Variants in ELP4 observed in about 807,000 individuals in gnomAD.
The protein encoded by ELP4 is elongator complex protein 4.
In ELP4, 51 loss-of-function variants were observed where a neutral mutation model predicts 48.9. The observed-to-expected ratio is 1.04, with a 90% confidence interval of 0.83 to 1.32. The LOEUF (loss-of-function observed/expected upper bound fraction) is 1.32, where lower values mean the gene tolerates loss of function less well. Among genes scored for constraint, ELP4 ranks in the 40% most tolerant of loss-of-function variants. ELP4 has a pLI of 0.00. For missense variants in ELP4, 519 were observed against 514.6 expected, an observed-to-expected ratio of 1.01 and a Z score of -0.08; for synonymous variants, 210 against 189.2, an observed-to-expected ratio of 1.11 and a Z score of -0.90.
intron 9 of ELP4, among the ~76,000 whole-genome samples, chr11:31,759,242 T>C (rs1434202430): frequency 6.6e-6 from 1 of 152,198 alleles, no homozygotes; most frequent in Non-Finnish European, 1.5e-5. Context: ...TTCCCACACA[T>C]ATTTCCTTCT....
chr11:31,620,032 A>G (rs963038026), intron 5 of ELP4, among the ~76,000 whole-genome samples: 3 of 152,036 alleles, frequency 2.0e-5, no homozygotes, highest in South Asian at 2.1e-4. Context: ...TAAACTGATA[A>G]TGAAGATGGA....
chr11:31,578,013 T>G (rs1957316463), intron 3 of ELP4, among the ~76,000 whole-genome samples: 1 of 152,202 alleles, frequency 6.6e-6, no homozygotes, highest in Non-Finnish European at 1.5e-5. Context: ...TTGTCTCTGT[T>G]TGCAGATGAT....
chr11:31,717,740 T>G (rs188726303), intron 9 of ELP4, among the ~76,000 whole-genome samples: 2 of 150,128 alleles, frequency 1.3e-5, no homozygotes, highest in Non-Finnish European at 3.0e-5. Context: ...GGAGACAGAG[T>G]GACACTGTGT....
intron 3 of ELP4, among the ~76,000 whole-genome samples, chr11:31,590,225 C>G (rs752053400): frequency 6.6e-6 from 1 of 151,958 alleles, no homozygotes; most frequent in African/African-American, 2.4e-5. Context: ...TTAGAACTGC[C>G]CTGAATAGAG....
At chr11:31,780,307 G>A (rs910859621) in intron 9 of ELP4, among the ~76,000 whole-genome samples, 2 of 152,120 alleles carry the variant, frequency 1.3e-5, no homozygotes, top group African/African-American at 2.4e-5. Flanking sequence ...CTGATCTCTC[G>A]TTCTTCCTCG....
chr11:31,760,548 C>T lies in ELP4; in HGVS notation c.1144-22845C>T, dbSNP rs573852639. Among the ~76,000 whole-genome samples, 275 of 152,190 alleles carry T rather than the reference C, an allele frequency of 1.8e-3. 1 individual carries two copies. Among genetic ancestry groups the T allele is most frequent in the Non-Finnish European group, 2.8e-3 (188 of 68,000 alleles). On this transcript the variant is annotated intron_variant, in intron 9 of 9. Coordinates refer to ENST00000640961, the MANE Select transcript of ELP4 (RefSeq NM_019040.5). ...AATGTATTATAAAAACATTAGAAGA[C>T]GATATTTGTATTTCAAAAGATCTTT...
intron 2 of ELP4, among the ~76,000 whole-genome samples, chr11:31,530,700 G>A (rs527333891): frequency 8.7e-4 from 132 of 152,108 alleles, no homozygotes; most frequent in African/African-American, 2.9e-3. Context: ...TTCCATTTCC[G>A]TTTTATAGTC....
At chr11:31,624,669 A>C (rs1009254667) in intron 5 of ELP4, among the ~76,000 whole-genome samples, 1 of 151,822 alleles carries the variant, frequency 6.6e-6, no homozygotes, top group Admixed American at 6.6e-5. Context: ...AACATTTTTA[A>C]TTTATAAACT....
intron 9 of ELP4, among the ~76,000 whole-genome samples, chr11:31,713,431 A>G (rs1214732682): frequency 1.3e-5 from 2 of 152,154 alleles, no homozygotes; most frequent in Non-Finnish European, 2.9e-5. Flanking sequence ...CATTGAAGCA[A>G]ATATTTCAAA....
chr11:31,560,684 A>T (rs371087924), intron 3 of ELP4, among the ~76,000 whole-genome samples: 1 of 108,802 alleles, frequency 9.2e-6, no homozygotes, highest in Non-Finnish European at 2.0e-5. Context: ...TAAAGACCAC[A>T]TTGTTTTATA....
At chr11:31,710,644 T>C (rs943572276) in intron 9 of ELP4, among the ~76,000 whole-genome samples, 9 of 148,052 alleles carry the variant, frequency 6.1e-5, no homozygotes, top group African/African-American at 2.2e-4. Flanking sequence ...AAAAAAGATA[T>C]GAAATAACTA....
chr11:31,543,946 C>A (rs904823956), intron 3 of ELP4, among the ~76,000 whole-genome samples: 1 of 152,190 alleles, frequency 6.6e-6, no homozygotes, highest in Non-Finnish European at 1.5e-5. Context: ...ACCAGACTTG[C>A]ATTGTAAGAA....
chr11:31,634,350 AG>A (rs1478632579), intron 7 of ELP4: 1 of 152,116 alleles, frequency 6.6e-6, no homozygotes, highest in Non-Finnish European at 1.5e-5. Flanking sequence ...GAGAGAAAAA[AG>A]ATGAAAATAT....
intron 9 of ELP4, among the ~76,000 whole-genome samples, chr11:31,658,153 A>G (rs1352586085): frequency 6.6e-6 from 1 of 152,006 alleles, no homozygotes; most frequent in African/African-American, 2.4e-5. Flanking sequence ...TTCATTACAT[A>G]AGCCAGAAAG....
intron 3 of ELP4, among the ~76,000 whole-genome samples, chr11:31,578,086 C>G (rs530067778): frequency 2.8e-4 from 42 of 152,340 alleles, no homozygotes; most frequent in South Asian, 2.7e-3. Flanking sequence ...TGATAAGCAA[C>G]TTCAGCAAAG....
intron 9 of ELP4, among the ~76,000 whole-genome samples, chr11:31,768,554 A>G (rs971267249): frequency 3.3e-5 from 5 of 152,234 alleles, no homozygotes; most frequent in African/African-American, 1.2e-4. Flanking sequence ...TGAACTGGTG[A>G]AAGAAGTTAG....
intron 3 of ELP4, among the ~76,000 whole-genome samples, chr11:31,548,887 A>C (rs1286928846): frequency 6.6e-6 from 1 of 152,186 alleles, no homozygotes; most frequent in Non-Finnish European, 1.5e-5. Context: ...CAATGGGGAA[A>C]GGATTTCCTA....
chr11:31,592,431 A>G (rs1465740864), intron 3 of ELP4, among the ~76,000 whole-genome samples: 1 of 151,414 alleles, frequency 6.6e-6, no homozygotes, highest in East Asian at 1.9e-4. Context: ...AGTCCCATCT[A>G]CTCAGGAGGC....
chr11:31,555,846 T>G (rs1347492706), intron 3 of ELP4, among the ~76,000 whole-genome samples: 1 of 151,982 alleles, frequency 6.6e-6, no homozygotes, highest in Non-Finnish European at 1.5e-5. Flanking sequence ...CTTAGAACTT[T>G]ATTTTCATCA....
Sources: gnomAD v4.1 joint callset for allele counts (sites outside exome capture counted in the v4.1 genomes callset) on GRCh38, gnomAD v4.1.1 for gene constraint, MANE v1.5 for transcripts, NCBI Gene and HGNC (gene_info 2026-07-23, HGNC 2026-07-21) for gene names.